The following GUCY1A1 variants were observed in gnomAD, a reference collection of about 807,000 sequenced individuals.
The protein encoded by GUCY1A1 is guanylate cyclase 1 soluble subunit alpha 1.
GUCY1A1 carries 48 observed loss-of-function variants against 64.5 expected under a neutral mutation model. That is an observed-to-expected ratio of 0.74 (90% CI 0.59 to 0.95). The LOEUF is 0.95. GUCY1A1 is among the 40% of genes least tolerant of loss of function. The probability of loss-of-function intolerance (pLI) is 0.00; values close to 1 mark genes in which losing one functional copy is unlikely to be tolerated. For missense variants in GUCY1A1, 804 were observed against 825.3 expected (o/e 0.97, Z 0.32); for synonymous variants, 308 against 303.4 (o/e 1.02, Z -0.16).
chr4:155,680,234 T>C (rs546255594), intron 2 of GUCY1A1, among the ~76,000 whole-genome samples: 19 of 152,340 alleles, frequency 1.2e-4, no homozygotes, highest in African/African-American at 4.6e-4. Context: ...TAGTTTTCAG[T>C]GTAAAAGTCT....
rs770057719 is a variant in GUCY1A1, at chr4:155,703,981, T to G, written c.305T>G (p.Ile102Arg). 1.2e-6 allele frequency: 2 copies of G among 1,604,882 alleles called. No homozygotes were observed. Among genetic ancestry groups the G allele is most frequent in the African/African-American group, 1.3e-5 (1 of 74,448 alleles). Reference protein sequence around the residue: ...ALQRTLAKHKIKESRKSLERE... With the variant: ...ALQRTLAKHKRKESRKSLERE... ...CAGAGAACATTGGCAAAGCACAAAA[T>G]AAAAGAAAGCAGGTAAGTCAAACCA... Residue 102 changes from isoleucine (I) to arginine (R), a missense_variant, in exon 4 of 10, where the codon ATA becomes AGA. By Grantham distance (97) the Ile-to-Arg change is moderately conservative. Coordinates refer to ENST00000506455, the MANE Select transcript of GUCY1A1 (RefSeq NM_001130682.3).
intron 9 of GUCY1A1, among the ~76,000 whole-genome samples, chr4:155,729,467 G>C (rs1007332567): frequency 1.3e-5 from 2 of 151,810 alleles, no homozygotes; most frequent in African/African-American, 4.8e-5. Context: ...GTAGAGTGGT[G>C]ATATGTACAA....
intron 2 of GUCY1A1, among the ~76,000 whole-genome samples, chr4:155,696,428 G>A (rs1338178411): frequency 6.6e-5 from 10 of 152,152 alleles, no homozygotes; most frequent in African/African-American, 1.9e-4. Context: ...TCATAAAACC[G>A]TGGTGTTCCA....
chr4:155,698,060 C>T (rs942353912), intron 3 of GUCY1A1, among the ~76,000 whole-genome samples: 2 of 152,172 alleles, frequency 1.3e-5, no homozygotes, highest in Non-Finnish European at 2.9e-5. Context: ...CATGGACTGG[C>T]TGATTTTCAG....
intron 9 of GUCY1A1, among the ~76,000 whole-genome samples, chr4:155,726,720 C>G (rs1248296592): frequency 1.3e-5 from 2 of 151,910 alleles, no homozygotes; most frequent in Non-Finnish European, 1.5e-5. Flanking sequence ...CAGTTATACA[C>G]TCCTGTTTTT....
Position 155,735,670 on chromosome 4 carries a change from C to T in GUCY1A1, c.*5439C>T, listed in dbSNP as rs1414734716. On this transcript the variant is annotated 3_prime_UTR_variant, in exon 10 of 10. Coordinates refer to ENST00000506455, the MANE Select transcript of GUCY1A1 (RefSeq NM_001130682.3). Reference sequence around the variant, plus strand: ...GAAGTATCTGCTCAGATGTTTGTTCCATCTGAAATGCTGCCAAATCCATCT... The same window carrying T: ...GAAGTATCTGCTCAGATGTTTGTTCTATCTGAAATGCTGCCAAATCCATCT... 2 of 151,952 alleles carry T rather than the reference C, an allele frequency of 1.3e-5. No homozygotes were observed. Among genetic ancestry groups the T allele is most frequent in the Admixed American group, 6.6e-5 (1 of 15,220 alleles). 9.4% of individuals were successfully genotyped at this position (151,952 alleles called of 1,614,324 possible). A position where few individuals can be genotyped will look rare whatever the true frequency, so the allele number is the denominator to read the frequency against.
At chr4:155,669,479 A>G (rs1425386905) in intron 2 of GUCY1A1, among the ~76,000 whole-genome samples, 1 of 152,004 alleles carries the variant, frequency 6.6e-6, no homozygotes, top group Non-Finnish European at 1.5e-5. Flanking sequence ...GAGGAAGGAA[A>G]TATAAAATTA....
At chr4:155,713,012 A>G in intron 6 of GUCY1A1, 86 bp from the exon 7 acceptor site, 3 of 1,146,158 alleles carry the variant, frequency 2.6e-6, no homozygotes, top group Non-Finnish European at 3.8e-6. Context: ...CAAAGGGTTT[A>G]TTACTGTATC....
chr4:155,695,398 C>T (rs1012147414), intron 2 of GUCY1A1, among the ~76,000 whole-genome samples: 1 of 151,676 alleles, frequency 6.6e-6, no homozygotes. Context: ...AAATATAAGG[C>T]TGAATCTTGG....
rs1198349059 is a variant in GUCY1A1, at chr4:155,696,835, G to A, written c.-33G>A. On this transcript the variant is annotated 5_prime_UTR_variant, in exon 3 of 10. Coordinates refer to ENST00000506455, the MANE Select transcript of GUCY1A1 (RefSeq NM_001130682.3). ...ATATAAGAACTACAGCTCATCAGGA[G>A]GAGATCGCAGCAGGGTAAGAGACAC... 1.2e-6 allele frequency: 2 copies of A among 1,605,462 alleles called. No homozygotes were observed. Among genetic ancestry groups the A allele is most frequent in the South Asian group, 1.1e-5 (1 of 90,748 alleles).
chr4:155,722,023 A>G lies in GUCY1A1; in HGVS notation c.1717-15A>G, dbSNP rs201402614. 2 of 1,570,370 alleles carry G rather than the reference A, an allele frequency of 1.3e-6. No individual in the cohort carries two copies. The highest frequency in any genetic ancestry group is 2.2e-5 in the East Asian group (1 of 44,600). On this transcript the variant is annotated splice_polypyrimidine_tract_variant and intron_variant, in intron 8 of 9. Transcript: ENST00000506455. ...TACCAGTGACTGGGAACATCATGTT[A>G]TTTTTTGCTTTCAGATGCGAATTGG...
chr4:155,708,146 C>T (rs1266007200), intron 4 of GUCY1A1, 90 bp from the exon 5 acceptor site: 4 of 727,188 alleles, frequency 5.5e-6, no homozygotes, highest in African/African-American at 5.4e-5. Flanking sequence ...CTAATTTAAA[C>T]TATTTTCTAT....
intron 2 of GUCY1A1, among the ~76,000 whole-genome samples, chr4:155,679,851 T>C (rs1052551118): frequency 7.9e-5 from 12 of 152,240 alleles, no homozygotes; most frequent in African/African-American, 2.9e-4. Flanking sequence ...CATATTTTCT[T>C]TCCTGATTTT....
intron 9 of GUCY1A1, among the ~76,000 whole-genome samples, chr4:155,725,838 T>C (rs1296886541): frequency 6.6e-6 from 1 of 152,116 alleles, no homozygotes; most frequent in Non-Finnish European, 1.5e-5. Context: ...GCAATGTTAC[T>C]AGAAATGCAC....
chr4:155,680,866 T>G (rs2126601256), intron 2 of GUCY1A1, among the ~76,000 whole-genome samples: 1 of 151,476 alleles, frequency 6.6e-6, no homozygotes, highest in African/African-American at 2.4e-5. Context: ...AGAAGAAAAT[T>G]TGCATATGAG....
intron 9 of GUCY1A1, among the ~76,000 whole-genome samples, chr4:155,725,281 G>A (rs946051381): frequency 1.3e-5 from 2 of 152,000 alleles, no homozygotes; most frequent in African/African-American, 4.8e-5. Context: ...TTGACTCCTG[G>A]GTATGAAAAC....
rs1268503605 is a variant in GUCY1A1 at position 155,688,246 on chromosome 4, A to AC, written c.-112-8510_-112-8509insC. Among the ~76,000 whole-genome samples the AC allele has an allele frequency of 4.7e-3, 707 of 151,866 alleles. 12 individuals are homozygous for AC. Among genetic ancestry groups the AC allele is most frequent in the African/African-American group, 0.015 (630 of 41,424 alleles). Reference sequence around the variant, plus strand: ...CCTCAAACAAACAAACAAACAAAAAAAAAAAAAAACTCATCATTACAGAAG... The same window carrying AC: ...CCTCAAACAAACAAACAAACAAAAAACAAAAAAAAACTCATCATTACAGAAG... On this transcript the variant is annotated intron_variant, in intron 2 of 9. Coordinates refer to ENST00000506455, the MANE Select transcript of GUCY1A1 (RefSeq NM_001130682.3).
Position 155,734,551 on chromosome 4 carries a change from C to T in GUCY1A1, c.*4320C>T, listed in dbSNP as rs1165043061. 1 of 151,860 alleles carries T rather than the reference C, an allele frequency of 6.6e-6. No homozygotes were observed. Among genetic ancestry groups the T allele is most frequent in the Non-Finnish European group, 1.5e-5 (1 of 67,896 alleles). The allele number at this position is 151,860 out of a possible 1,614,324, so 9.4% of individuals were successfully genotyped here. ...TTTCACCTCATTTTGCACTTCAATG[C>T]AATTTCACTCTTTAGGTGGTTGTAC... On this transcript the variant is annotated 3_prime_UTR_variant, in exon 10 of 10. Coordinates refer to ENST00000506455, the MANE Select transcript of GUCY1A1 (RefSeq NM_001130682.3).
At chr4:155,672,160 T>G (rs1414856026) in intron 2 of GUCY1A1, among the ~76,000 whole-genome samples, 3 of 152,154 alleles carry the variant, frequency 2.0e-5, no homozygotes, top group Non-Finnish European at 4.4e-5. Context: ...GCAATTAAAT[T>G]TAATCATTAC....
Sources: gnomAD v4.1 joint callset for allele counts (sites outside exome capture counted in the v4.1 genomes callset) on GRCh38, gnomAD v4.1.1 for gene constraint, MANE v1.5 for transcripts, NCBI Gene and HGNC (gene_info 2026-07-23, HGNC 2026-07-21) for gene names.